OR3A2: variants seen among roughly 807,000 people sequenced by gnomAD.
The protein encoded by OR3A2 is olfactory receptor 3A2.
For missense variants in OR3A2, 318 were observed against 392.8 expected (o/e 0.81, Z 1.61); for synonymous variants, 126 against 159.3 (o/e 0.79, Z 1.57).
intron 3 of OR3A2, among the ~76,000 whole-genome samples, chr17:3,298,078 G>A (rs1338292945): frequency 6.6e-6 from 1 of 152,122 alleles, no homozygotes; most frequent in Non-Finnish European, 1.5e-5. Flanking sequence ...TCCATTCACG[G>A]AGATGTCTTT....
At chr17:3,278,411 G>A (rs1433952176) in exon 2 of OR3A2, 4 of 1,614,098 alleles carry the variant, frequency 2.5e-6, no homozygotes, top group African/African-American at 1.3e-5. Context: ...CACAGAAGTT[G>A]AGCGTGGACA....
At chr17:3,354,080 C>T (rs2049443036) in intron 2 of OR3A2, among the ~76,000 whole-genome samples, 1 of 151,648 alleles carries the variant, frequency 6.6e-6, no homozygotes, top group South Asian at 2.1e-4. Flanking sequence ...ATTTGATTGG[C>T]TAGCATTTTG....
chr17:3,350,043 G>T (rs1354767941), intron 2 of OR3A2, among the ~76,000 whole-genome samples: 1 of 147,358 alleles, frequency 6.8e-6, no homozygotes, highest in Admixed American at 6.8e-5. Context: ...GTGTGTAGAG[G>T]GAAATTTATA....
At chr17:3,277,885 G>C (rs2048749524) in exon 2 of OR3A2, 1 of 1,410,270 alleles carries the variant, frequency 7.1e-7, no homozygotes. Context: ...AAAAATAGTT[G>C]TGGCTGAATT....
intron 3 of OR3A2, among the ~76,000 whole-genome samples, chr17:3,289,462 C>T (rs371764528): frequency 2.6e-5 from 4 of 152,306 alleles, no homozygotes; most frequent in East Asian, 1.9e-4. Flanking sequence ...AGGCCAAGAC[C>T]GAAATCTCTC....
intron 2 of OR3A2, among the ~76,000 whole-genome samples, chr17:3,354,366 C>T (rs990464352): frequency 4.0e-5 from 6 of 151,274 alleles, no homozygotes; most frequent in Admixed American, 6.6e-5. Flanking sequence ...GTGTGCAGTG[C>T]AGTGGTATAA....
In OR3A2 at chr17:3,378,132, G is replaced by A. The variant is rs555267025; in HGVS notation, c.-179+5672C>T. On this transcript the variant is annotated intron_variant, in intron 2 of 4. Coordinates refer to the OR3A2 transcript ENST00000573491. The stretch of plus-strand genomic sequence containing the variant: ...CTGGCTTGAAGGTGGGGTTTCACCA[G>A]GACCTGCCCCTTCCCACCTAGGAAC... Among the ~76,000 whole-genome samples, 642 of 152,294 alleles carry A rather than the reference G, an allele frequency of 4.2e-3. 5 individuals are homozygous for A. The highest frequency in any genetic ancestry group is 0.015 in the African/African-American group (618 of 41,564).
intron 1 of OR3A2, among the ~76,000 whole-genome samples, chr17:3,280,124 C>T (rs938196564): frequency 2.8e-4 from 42 of 152,264 alleles, no homozygotes; most frequent in East Asian, 1.9e-4. Context: ...GGTTGGTTGC[C>T]GCCAGGTGCA....
chr17:3,334,931 C>G (rs1249279079), intron 3 of OR3A2, among the ~76,000 whole-genome samples: 1 of 152,146 alleles, frequency 6.6e-6, no homozygotes, highest in East Asian at 1.9e-4. Context: ...TATTGCTAAA[C>G]TCTTCAACAG....
chr17:3,352,180 A>C (rs984016354), intron 2 of OR3A2, among the ~76,000 whole-genome samples: 1 of 151,900 alleles, frequency 6.6e-6, no homozygotes, highest in South Asian at 2.1e-4. Context: ...TAGTTTGCAA[A>C]TATTTTCTCC....
intron 2 of OR3A2, among the ~76,000 whole-genome samples, chr17:3,367,132 T>G: frequency 6.6e-6 from 1 of 152,200 alleles, no homozygotes; most frequent in East Asian, 1.9e-4. Context: ...CAATGACCTA[T>G]CAGGGCCACA....
At chr17:3,333,027 G>A (rs977179696) in intron 3 of OR3A2, among the ~76,000 whole-genome samples, 2 of 152,190 alleles carry the variant, frequency 1.3e-5, no homozygotes, top group Non-Finnish European at 2.9e-5. Context: ...GGGCAGAATA[G>A]AGCCATATTT....
Position 3,311,406 on chromosome 17 carries a change from C to A in OR3A2, c.-85+24627G>T. The A allele has an allele frequency of 2.0e-6, 1 of 498,178 alleles. No individual in the cohort carries two copies. The highest frequency in any genetic ancestry group is 1.5e-5 in the South Asian group (1 of 65,776). 30.9% of individuals were successfully genotyped at this position (498,178 alleles called of 1,614,324 possible). On this transcript the variant is annotated intron_variant, in intron 3 of 4. Coordinates refer to the OR3A2 transcript ENST00000573491. This position sits in a 1 kb window ranked among gnomAD's most constrained non-coding sequence, Gnocchi z 4.6. Reference sequence around the variant, plus strand: ...TTCTCACCAACAGCACTCGCATGAGCTGTGAAGTCCAGGGTGCCCTGGTGG... The same window carrying A: ...TTCTCACCAACAGCACTCGCATGAGATGTGAAGTCCAGGGTGCCCTGGTGG...
intron 3 of OR3A2, among the ~76,000 whole-genome samples, chr17:3,295,023 C>G (rs955099705): frequency 6.6e-6 from 1 of 151,846 alleles, no homozygotes; most frequent in East Asian, 1.9e-4. Flanking sequence ...AATAGGAACT[C>G]TGCAGTCTAT....
chr17:3,336,465 G>A (rs1420447171), intron 2 of OR3A2, among the ~76,000 whole-genome samples: 41 of 152,086 alleles, frequency 2.7e-4, no homozygotes, highest in Non-Finnish European at 2.9e-5. Context: ...TGTAAGAAGT[G>A]TAACTAATGA....
In OR3A2 at chr17:3,359,799, T is replaced by C. The variant is rs34607849; in HGVS notation, c.-178-23673A>G. ...TATTCCATGGTGTGTATGTGCCACA[T>C]TTTCTTAATCCAGTCTATCATTGTT... On this transcript the variant is annotated intron_variant, in intron 2 of 4. Transcript: ENST00000573491. Among the ~76,000 whole-genome samples, 1,136 of 151,872 alleles carry C rather than the reference T, an allele frequency of 7.5e-3. 9 individuals are homozygous for C. The highest frequency in any genetic ancestry group is 0.012 in the Non-Finnish European group (818 of 68,026).
At chr17:3,383,886 T>C (rs1045174513) in exon 2 of OR3A2, 1 of 152,188 alleles carries the variant, frequency 6.6e-6, no homozygotes, top group African/African-American at 2.4e-5. Context: ...TTTCATTCAT[T>C]GCTCTTCCAA....
intron 2 of OR3A2, among the ~76,000 whole-genome samples, chr17:3,340,126 T>A (rs1306610174): frequency 6.6e-6 from 1 of 152,196 alleles, no homozygotes; most frequent in Non-Finnish European, 1.5e-5. Context: ...ATATCCCCTT[T>A]ATTATTTTTT....
chr17:3,346,124 G>T (rs1307471250), intron 2 of OR3A2, among the ~76,000 whole-genome samples: 1 of 152,076 alleles, frequency 6.6e-6, no homozygotes, highest in Admixed American at 6.6e-5. Context: ...AAAAAAAATT[G>T]CCAGGACAGG....
Sources: gnomAD v4.1 joint callset for allele counts (sites outside exome capture counted in the v4.1 genomes callset) on GRCh38, gnomAD v4.1.1 for gene constraint, Gnocchi (gnomAD v3.1) non-coding constraint, MANE v1.5 for transcripts, NCBI Gene and HGNC (gene_info 2026-07-23, HGNC 2026-07-21) for gene names.